The following ERC2 variants were observed in gnomAD, a reference collection of about 807,000 sequenced individuals.
The protein encoded by ERC2 is ELKS/RAB6-interacting/CAST family member 2, also known as ERC protein 2.
A neutral mutation model predicts 114.8 loss-of-function variants in ERC2; 42 were observed. The observed-to-expected ratio is 0.37, with a 90% CI of 0.29 to 0.47. The LOEUF is 0.47. ERC2 is among the 20% of genes least tolerant of loss of function. The pLI is 0.99. For missense variants in ERC2, 939 were observed against 1,150.7 expected, an observed-to-expected ratio of 0.82 and a Z score of 2.66; for synonymous variants, 454 against 425.5, an observed-to-expected ratio of 1.07 and a Z score of -0.82.
chr3:56,276,684 T>G (rs2054020070), intron 3 of ERC2, among the ~76,000 whole-genome samples: 1 of 152,162 alleles, frequency 6.6e-6, no homozygotes, highest in African/African-American at 2.4e-5. Context: ...TTATATAGCT[T>G]CTTTGGGAGG....
intron 14 of ERC2, among the ~76,000 whole-genome samples, chr3:55,757,956 C>T (rs895399858): frequency 1.3e-5 from 2 of 151,618 alleles, no homozygotes; most frequent in Non-Finnish European, 2.9e-5. Context: ...TACATTTATA[C>T]CTCTGAGTTC....
intron 14 of ERC2, among the ~76,000 whole-genome samples, chr3:55,794,166 C>T (rs2070284777): frequency 6.6e-6 from 1 of 152,170 alleles, no homozygotes; most frequent in Non-Finnish European, 1.5e-5. Context: ...CTGGAAAGGG[C>T]TGTCAAAGGA....
intron 7 of ERC2, among the ~76,000 whole-genome samples, chr3:56,068,165 T>C (rs1247929623): frequency 2.0e-5 from 3 of 152,200 alleles, no homozygotes; most frequent in Non-Finnish European, 2.9e-5. Context: ...ATCCATCTGC[T>C]CCTGGGCTTT....
chr3:55,521,609 G>A (rs1366735097), intron 17 of ERC2, among the ~76,000 whole-genome samples: 1 of 152,244 alleles, frequency 6.6e-6, no homozygotes, highest in Non-Finnish European at 1.5e-5. Context: ...AAAGAAGGGG[G>A]TAGGCAGAGC....
chr3:55,580,234 T>A (rs1315921959), intron 17 of ERC2, among the ~76,000 whole-genome samples: 3 of 150,552 alleles, frequency 2.0e-5, no homozygotes, highest in Non-Finnish European at 3.0e-5. Context: ...GAAGCATATT[T>A]TTTTTTTTTT....
chr3:55,850,274 C>T (rs2061516618), intron 14 of ERC2, among the ~76,000 whole-genome samples: 1 of 152,146 alleles, frequency 6.6e-6, no homozygotes, highest in Non-Finnish European at 1.5e-5. Context: ...CTGAAAAGAC[C>T]CTTATTCTGA....
intron 14 of ERC2, among the ~76,000 whole-genome samples, chr3:55,843,673 G>A (rs182997741): frequency 3.9e-4 from 59 of 152,296 alleles, no homozygotes; most frequent in African/African-American, 8.9e-4. Context: ...TTGCAGGGAG[G>A]ACTTTCCAAT....
chr3:56,089,692 G>T, intron 6 of ERC2, among the ~76,000 whole-genome samples: 1 of 152,000 alleles, frequency 6.6e-6, no homozygotes, highest in Non-Finnish European at 1.5e-5. Flanking sequence ...GAAGGTCTAT[G>T]ACTCCTGTAA....
At chr3:55,531,081 G>C (rs954741781) in intron 17 of ERC2, among the ~76,000 whole-genome samples, 6 of 152,068 alleles carry the variant, frequency 3.9e-5, no homozygotes, top group Non-Finnish European at 8.8e-5. Context: ...TCCTTTGATG[G>C]TTAGATTTTT....
chr3:55,700,666 C>A (rs2063177562), intron 15 of ERC2, among the ~76,000 whole-genome samples: 1 of 152,156 alleles, frequency 6.6e-6, no homozygotes, highest in Non-Finnish European at 1.5e-5. Context: ...CCTTTCTTCA[C>A]CTTTAACTTC....
intron 3 of ERC2, among the ~76,000 whole-genome samples, chr3:56,280,345 G>T (rs1371444125): frequency 6.6e-6 from 1 of 152,116 alleles, no homozygotes; most frequent in Admixed American, 6.6e-5. Flanking sequence ...TCATGTATTT[G>T]TATTGTCTAA....
chr3:56,252,031 G>T (rs1304403815), intron 3 of ERC2, among the ~76,000 whole-genome samples: 1 of 152,158 alleles, frequency 6.6e-6, no homozygotes, highest in Non-Finnish European at 1.5e-5. Context: ...TCCATGGCAG[G>T]TGTGTCTTTG....
At position 56,160,150 on chromosome 3, in the gene ERC2, A is replaced by G. The variant is rs149290524; in HGVS notation, c.1150-11018T>C. On this transcript the variant is annotated intron_variant, in intron 4 of 17. Coordinates refer to ENST00000288221, the MANE Select transcript of ERC2 (RefSeq NM_015576.3). ...AGCGTTTCCATTTCTCCACAACCTC[A>G]CTAGCATCTGTTGTGCTTTGACTTT... is the stretch of plus-strand genomic sequence containing the variant. 1.4e-3 allele frequency among the ~76,000 whole-genome samples: 206 copies of G among 152,198 alleles called. 5 individuals are homozygous for G. The East Asian group carries it at 0.037, about 27-fold the overall frequency.
At chr3:56,375,481 C>T (rs942532202) in intron 2 of ERC2, among the ~76,000 whole-genome samples, 68 of 152,240 alleles carry the variant, frequency 4.5e-4, no homozygotes, top group African/African-American at 1.4e-3. Context: ...CAAATTTGTA[C>T]GAATATCACT....
intron 6 of ERC2, among the ~76,000 whole-genome samples, chr3:56,096,714 G>C (rs1005825037): frequency 6.6e-6 from 1 of 152,044 alleles, no homozygotes; most frequent in Non-Finnish European, 1.5e-5. Context: ...ACACTTACAT[G>C]TGTGTGTGTT....
At chr3:55,768,774 G>C (rs58315468) in intron 14 of ERC2, among the ~76,000 whole-genome samples, 83,246 of 152,130 alleles carry the variant, frequency 0.55, 26,106 homozygotes, top group East Asian at 0.69. Context: ...CATCAGATGG[G>C]TTTGGGGAGT....
chr3:55,812,527 A>C (rs929095793), intron 14 of ERC2, among the ~76,000 whole-genome samples: 1 of 152,198 alleles, frequency 6.6e-6, no homozygotes, highest in African/African-American at 2.4e-5. Context: ...AGTCACAATT[A>C]CTGCTATAAT....
intron 14 of ERC2, among the ~76,000 whole-genome samples, chr3:55,855,173 C>T (rs1490721295): frequency 2.6e-5 from 4 of 152,176 alleles, no homozygotes; most frequent in Admixed American, 1.3e-4. Flanking sequence ...GATGATCCAC[C>T]TGCAATGACT....
chr3:55,744,037 C>A (rs899754650), intron 14 of ERC2, among the ~76,000 whole-genome samples: 12 of 152,172 alleles, frequency 7.9e-5, no homozygotes, highest in Admixed American at 6.5e-4. Context: ...ACCTTTTCTG[C>A]ATGGCAGATG....
Sources: gnomAD v4.1 joint callset for allele counts (sites outside exome capture counted in the v4.1 genomes callset) on GRCh38, gnomAD v4.1.1 for gene constraint, MANE v1.5 for transcripts, NCBI Gene and HGNC (gene_info 2026-07-23, HGNC 2026-07-21) for gene names.